Variants in NPHP4 observed in about 807,000 individuals in gnomAD.
NPHP4 encodes the protein nephrocystin-4.
Under a neutral mutation model 155.8 loss-of-function variants are expected in NPHP4, and 151 were observed. The ratio of observed to expected loss-of-function variants is 0.97; its 90% CI spans 0.85 to 1.11. NPHP4 has a LOEUF of 1.11. NPHP4 is among the 50% of genes least tolerant of loss of function. The pLI is 0.00. For missense variants in NPHP4, 1,956 were observed against 1,925.7 expected (o/e 1.02, Z -0.29); for synonymous variants, 845 against 816.8 (o/e 1.03, Z -0.59).
At chr1:5,937,554 TGG>T (rs924733329) in intron 9 of NPHP4, among the ~76,000 whole-genome samples, 10 of 152,018 alleles carry the variant, frequency 6.6e-5, no homozygotes, top group African/African-American at 2.4e-4. Context: ...CCAGTTCTGC[TGG>T]GACCTCCAGC....
chr1:5,885,322 A>G (rs970992866), intron 18 of NPHP4, among the ~76,000 whole-genome samples: 1 of 149,728 alleles, frequency 6.7e-6, no homozygotes, highest in African/African-American at 2.5e-5. Flanking sequence ...TCTACAACCA[A>G]GATCACTGCC....
intron 19 of NPHP4, 143 bp downstream of exon 19, chr1:5,879,971 C>T (rs991429356): frequency 4.8e-5 from 47 of 975,418 alleles, no homozygotes; most frequent in Non-Finnish European, 6.5e-5. Context: ...CCGTCCTAGA[C>T]GCAGAGGGGC....
chr1:5,922,588 A>C (rs921321839), intron 11 of NPHP4, among the ~76,000 whole-genome samples: 1 of 152,152 alleles, frequency 6.6e-6, no homozygotes, highest in Non-Finnish European at 1.5e-5. Flanking sequence ...TGGGAGGCCA[A>C]GGTGGGAGGA....
intron 6 of NPHP4, among the ~76,000 whole-genome samples, chr1:5,960,939 C>T (rs1032984754): frequency 1.8e-4 from 28 of 152,170 alleles, no homozygotes; most frequent in African/African-American, 6.3e-4. Flanking sequence ...AGGCGGAAGG[C>T]TCAAGTGTTA....
chr1:5,960,089 GCTCAA>G (rs1380164713), intron 6 of NPHP4, among the ~76,000 whole-genome samples: 3 of 152,196 alleles, frequency 2.0e-5, no homozygotes, highest in Non-Finnish European at 4.4e-5. Flanking sequence ...TGTTCTCTTT[GCTCAA>G]CTCAACAGCA....
intron 1 of NPHP4, among the ~76,000 whole-genome samples, chr1:5,989,525 C>T (rs1655936613): frequency 6.6e-6 from 1 of 152,010 alleles, no homozygotes; most frequent in African/African-American, 2.4e-5. Flanking sequence ...AAGAAAGAAG[C>T]CTCATTCCTC....
chr1:5,948,830 A>G (rs1289684303), intron 7 of NPHP4, among the ~76,000 whole-genome samples: 1 of 152,240 alleles, frequency 6.6e-6, no homozygotes, highest in Admixed American at 6.5e-5. Flanking sequence ...AACCAGCCCC[A>G]AAGTGGTCAC....
At position 5,948,156 on chromosome 1, in the gene NPHP4, C is replaced by T. The variant is rs747094006; in HGVS notation, c.906G>A (p.Gln302=). The T allele has an allele frequency of 1.9e-6, 3 of 1,613,516 alleles. No individual in the cohort carries two copies. Residue 302 remains glutamine, a synonymous_variant, in exon 8 of 30, where the codon CAG becomes CAA. Coordinates refer to ENST00000378156, the MANE Select transcript of NPHP4 (RefSeq NM_015102.5). ...CCATCTCAGGCACCAGTACAACGAC[C>T]TGCGGCCTCTGCACGAAGCCCAGAC... is the stretch of plus-strand genomic sequence containing the variant. ...HNGLGFVQRP[Q]VVVLVPEMDV...
chr1:5,979,402 G>C (rs539742993), intron 2 of NPHP4, among the ~76,000 whole-genome samples: 1 of 152,160 alleles, frequency 6.6e-6, no homozygotes, highest in African/African-American at 2.4e-5. Context: ...GGGGGCATGA[G>C]AAGAACCACA....
chr1:5,923,332 C>G (rs1645840193), intron 11 of NPHP4, among the ~76,000 whole-genome samples: 1 of 152,294 alleles, frequency 6.6e-6, no homozygotes, highest in Admixed American at 6.5e-5. Context: ...GTTTTCAAGA[C>G]AGTGGACTTC....
chr1:5,978,300 CTT>C lies in NPHP4; in HGVS notation c.247_248del (p.Lys83GlufsTer9). The C allele has an allele frequency of 6.2e-7, 1 of 1,608,566 alleles. No homozygotes were observed. Among genetic ancestry groups the C allele is most frequent in the Non-Finnish European group, 8.5e-7 (1 of 1,177,770 alleles). The part of the protein sequence containing the change: ...RTWKTTVKPT[K>X]RPPSRIVFNE... ...TAAAGACGATCCTGGACGGCGGTCT[CTT>C]CGTCGGCTTCACTGTGGTTTTCCAC... On this transcript the variant is annotated frameshift_variant, in exon 3 of 30. Transcript: ENST00000378156. LOFTEE classifies it high-confidence loss of function.
At chr1:5,886,338 C>G (rs1292464876) in intron 18 of NPHP4, among the ~76,000 whole-genome samples, 1 of 152,232 alleles carries the variant, frequency 6.6e-6, no homozygotes, top group Non-Finnish European at 1.5e-5. Context: ...TGCACTTGAG[C>G]CCCTCCGCCA....
At chr1:5,863,572 T>C in intron 29 of NPHP4, 167 bp from the exon 30 acceptor site, 2 of 736,460 alleles carry the variant, frequency 2.7e-6, no homozygotes, top group Non-Finnish European at 4.6e-6. Flanking sequence ...GGTACAAGGA[T>C]GGGAACCAGT....
Position 5,867,022 on chromosome 1 carries a change from C to T in NPHP4, c.3558+8G>A, listed in dbSNP as rs1349098317. 1.9e-6 allele frequency: 3 copies of T among 1,610,932 alleles called. No individual in the cohort carries two copies. The highest frequency in any genetic ancestry group is 3.3e-5 in the Admixed American group (2 of 59,816). On this transcript the variant is annotated splice_region_variant and intron_variant, in intron 25 of 29. Transcript: ENST00000378156. The surrounding 1 kb of genome is among the most constrained non-coding windows in gnomAD (Gnocchi z 4.1). ...ATCTGCCTGAGCTGGGGCCACAACACAACCTACCACATTCTGGGTCTCACA... is the reference window on the plus strand; with the variant it reads ...ATCTGCCTGAGCTGGGGCCACAACATAACCTACCACATTCTGGGTCTCACA...
chr1:5,916,614 G>C (rs1222118684), intron 11 of NPHP4, among the ~76,000 whole-genome samples: 1 of 152,180 alleles, frequency 6.6e-6, no homozygotes, highest in African/African-American at 2.4e-5. Context: ...TCAACTCCTG[G>C]TCCTTCCAGT....
rs565065010 is a variant in NPHP4, at chr1:5,868,971, GCA to G, written c.3316-1077_3316-1076del. 2.9e-3 allele frequency among the ~76,000 whole-genome samples: 300 copies of G among 103,608 alleles called. 2 individuals are homozygous for G. The highest frequency in any genetic ancestry group is 0.011 in the African/African-American group (279 of 25,822). The allele number at this position is 103,608 out of a possible 152,430, so 68.0% of individuals were successfully genotyped here. On this transcript the variant is annotated intron_variant, in intron 23 of 29. Coordinates refer to ENST00000378156, the MANE Select transcript of NPHP4 (RefSeq NM_015102.5). ...ACACACACACAATGCACACACACAT[GCA>G]CACACATCCACCCACACATGCACAC...
chr1:5,915,546 C>G (rs1236195234), intron 11 of NPHP4, among the ~76,000 whole-genome samples: 1 of 152,072 alleles, frequency 6.6e-6, no homozygotes, highest in Non-Finnish European at 1.5e-5. Context: ...GATCAAGGGG[C>G]AACTGGATGA....
Position 5,948,339 on chromosome 1 carries a change from G to A in NPHP4, c.811-88C>T, listed in dbSNP as rs1368825033. The A allele has an allele frequency of 2.2e-5, 22 of 991,098 alleles. 1 individual carries two copies. The highest frequency in any genetic ancestry group is 8.7e-6 in the Non-Finnish European group (6 of 692,396). The allele number at this position is 991,098 out of a possible 1,614,324, so 61.4% of individuals were successfully genotyped here. A position where few individuals can be genotyped will look rare whatever the true frequency, so the allele number is the denominator to read the frequency against. On this transcript the variant is annotated intron_variant, in intron 7 of 29. Coordinates refer to ENST00000378156, the MANE Select transcript of NPHP4 (RefSeq NM_015102.5). ...CCCTGGGGGAGGCGAGCAGAGAGAA[G>A]AAACTGGAGCAGAAGTTGCAGATAA...
intron 3 of NPHP4, among the ~76,000 whole-genome samples, chr1:5,973,159 A>G (rs1246963335): frequency 6.6e-6 from 1 of 152,248 alleles, no homozygotes; most frequent in East Asian, 1.9e-4. Flanking sequence ...TGCTGGGATT[A>G]CAGGCATGAG....
Sources: gnomAD v4.1 joint callset for allele counts (sites outside exome capture counted in the v4.1 genomes callset) on GRCh38, gnomAD v4.1.1 for gene constraint, Gnocchi (gnomAD v3.1) non-coding constraint, MANE v1.5 for transcripts, NCBI Gene and HGNC (gene_info 2026-07-23, HGNC 2026-07-21) for gene names.